The following PRICKLE2 variants were observed in gnomAD, a reference collection of about 807,000 sequenced individuals.
PRICKLE2 encodes the protein prickle-like protein 2.
A neutral mutation model predicts 81.4 loss-of-function variants in PRICKLE2; 21 were observed. The observed-to-expected ratio is 0.26, with a 90% confidence interval of 0.18 to 0.37. PRICKLE2 has a LOEUF of 0.37. Ranked by LOEUF, PRICKLE2 falls within the 10% of genes least tolerant of loss-of-function variation. PRICKLE2 has a pLI of 1.00. For synonymous variants in PRICKLE2, 456 were observed against 421.5 expected (o/e 1.08, Z -1.00); for missense variants, 940 against 1,109.0 (o/e 0.85, Z 2.16).
At chr3:64,145,368 C>T (rs964573973) in intron 7 of PRICKLE2, 9 of 147,554 alleles carry the variant, frequency 6.1e-5, no homozygotes, top group South Asian at 4.2e-4. Context: ...TATATACACA[C>T]GCTATATATT....
intron 2 of PRICKLE2, among the ~76,000 whole-genome samples, chr3:64,168,245 C>A (rs1206190887): frequency 1.3e-5 from 2 of 152,144 alleles, no homozygotes; most frequent in East Asian, 3.8e-4. Flanking sequence ...ATTTCAGAAT[C>A]AATTGTTCTT....
At chr3:64,131,049 T>C (rs1489832932) in intron 7 of PRICKLE2, among the ~76,000 whole-genome samples, 2 of 152,198 alleles carry the variant, frequency 1.3e-5, no homozygotes, top group East Asian at 3.8e-4. Context: ...CCCTTTTCCA[T>C]GTTAACCAGA....
intron 2 of PRICKLE2, among the ~76,000 whole-genome samples, chr3:64,262,398 G>A (rs1325258490): frequency 6.6e-6 from 1 of 152,080 alleles, no homozygotes; most frequent in African/African-American, 2.4e-5. Context: ...TTAGCGCTAT[G>A]TTTTGACACA....
At chr3:64,127,974 A>C (rs2077136340) in intron 7 of PRICKLE2, among the ~76,000 whole-genome samples, 1 of 152,046 alleles carries the variant, frequency 6.6e-6, no homozygotes, top group African/African-American at 2.4e-5. Flanking sequence ...GGGCAGATTT[A>C]TTGAACAGCT....
intron 7 of PRICKLE2, among the ~76,000 whole-genome samples, chr3:64,123,399 C>T (rs917137089): frequency 2.6e-5 from 4 of 152,188 alleles, no homozygotes; most frequent in Non-Finnish European, 4.4e-5. Flanking sequence ...ATATGATACT[C>T]AAATGCTCAA....
At chr3:64,203,998 C>T (rs2078637037) in intron 1 of PRICKLE2, among the ~76,000 whole-genome samples, 1 of 151,920 alleles carries the variant, frequency 6.6e-6, no homozygotes, top group African/African-American at 2.4e-5. Context: ...CACACACATA[C>T]ACTCTAAAAC....
At chr3:64,201,679 C>A (rs2078583136) in intron 1 of PRICKLE2, among the ~76,000 whole-genome samples, 1 of 152,080 alleles carries the variant, frequency 6.6e-6, no homozygotes, top group Non-Finnish European at 1.5e-5. Context: ...TTTTTTCTTC[C>A]ATTTTGTGGA....
intron 2 of PRICKLE2, among the ~76,000 whole-genome samples, chr3:64,248,129 C>T (rs1326131979): frequency 6.6e-6 from 1 of 152,184 alleles, no homozygotes; most frequent in African/African-American, 2.4e-5. Context: ...CACTATCTCA[C>T]CAGATGAAAA....
intron 1 of PRICKLE2, among the ~76,000 whole-genome samples, chr3:64,215,923 T>C (rs187449338): frequency 6.6e-6 from 1 of 152,334 alleles, no homozygotes; most frequent in East Asian, 1.9e-4. Flanking sequence ...CAAAAGGTTG[T>C]TAAACTGTTG....
intron 2 of PRICKLE2, among the ~76,000 whole-genome samples, chr3:64,179,020 TTTCTTTCTTTCTTTC>T (rs1444425592): frequency 2.7e-4 from 37 of 137,482 alleles, no homozygotes; most frequent in African/African-American, 9.2e-4. Flanking sequence ...TCTTTCTTTC[TTTCTTTCTTTCTTTC>T]TTTTCTTTCC....
At chr3:64,120,058 G>A (rs575651256) in intron 7 of PRICKLE2, among the ~76,000 whole-genome samples, 3 of 152,242 alleles carry the variant, frequency 2.0e-5, no homozygotes, top group South Asian at 4.1e-4. Context: ...GGCTACTAGA[G>A]GGGAAGGAGG....
At chr3:64,150,141 G>A (rs1039991610) in intron 6 of PRICKLE2, among the ~76,000 whole-genome samples, 1 of 151,814 alleles carries the variant, frequency 6.6e-6, no homozygotes, top group African/African-American at 2.4e-5. Flanking sequence ...GACATCACAG[G>A]GACATGGGAC....
At chr3:64,205,703 G>C (rs2078675151) in intron 1 of PRICKLE2, among the ~76,000 whole-genome samples, 1 of 152,198 alleles carries the variant, frequency 6.6e-6, no homozygotes, top group East Asian at 1.9e-4. Flanking sequence ...ACATCATTAA[G>C]CCTGTTTTTT....
chr3:64,164,550 C>G (rs560607990), intron 2 of PRICKLE2, among the ~76,000 whole-genome samples: 1 of 152,104 alleles, frequency 6.6e-6, no homozygotes, highest in Non-Finnish European at 1.5e-5. Context: ...TTTGTAATGA[C>G]AAGGCCTTAA....
chr3:64,149,941 CTG>C (rs1307541925), intron 6 of PRICKLE2, among the ~76,000 whole-genome samples: 8 of 146,962 alleles, frequency 5.4e-5, no homozygotes, highest in African/African-American at 1.5e-4. Context: ...AGACAGGAAA[CTG>C]TGTGAATCAA....
chr3:64,100,749 C>T (rs1009013447), intron 7 of PRICKLE2: 4 of 152,164 alleles, frequency 2.6e-5, no homozygotes, highest in African/African-American at 9.7e-5. Flanking sequence ...AGATGAAAAC[C>T]ATTTTGAAGG....
intron 1 of PRICKLE2, among the ~76,000 whole-genome samples, chr3:64,215,136 G>A (rs894255804): frequency 1.3e-5 from 2 of 152,102 alleles, no homozygotes; most frequent in African/African-American, 4.8e-5. Flanking sequence ...CAGTGAGAAT[G>A]AAGCACAAAC....
chr3:64,110,959 CA>C (rs550808708), intron 7 of PRICKLE2, among the ~76,000 whole-genome samples: 7,847 of 63,326 alleles, frequency 0.12, 120 homozygotes, highest in East Asian at 0.28. Flanking sequence ...GACTCCATCT[CA>C]AAAAAAAAAA....
At chr3:64,125,677 G>A (rs1240328615) in intron 7 of PRICKLE2, among the ~76,000 whole-genome samples, 1 of 152,176 alleles carries the variant, frequency 6.6e-6, no homozygotes, top group Non-Finnish European at 1.5e-5. Flanking sequence ...AGACAGAATA[G>A]TATCGCACAC....
Sources: gnomAD v4.1 joint callset for allele counts (sites outside exome capture counted in the v4.1 genomes callset) on GRCh38, gnomAD v4.1.1 for gene constraint, MANE v1.5 for transcripts, NCBI Gene and HGNC (gene_info 2026-07-23, HGNC 2026-07-21) for gene names.